BTN3A2: variants seen among roughly 807,000 people sequenced by gnomAD.
BTN3A2 encodes butyrophilin protein.
In BTN3A2, 25 loss-of-function variants were observed where a neutral mutation model predicts 37.6. That is an observed-to-expected ratio of 0.66 (90% confidence interval 0.48 to 0.93). The LOEUF (loss-of-function observed/expected upper bound fraction) is 0.93, where lower values mean the gene tolerates loss of function less well. Ranked by LOEUF, BTN3A2 falls within the 40% of genes least tolerant of loss-of-function variation. The pLI, the probability that BTN3A2 is intolerant of heterozygous loss-of-function variation, is 0.00. For missense variants in BTN3A2, 266 were observed against 410.9 expected, an observed-to-expected ratio of 0.65 and a Z score of 3.05; for synonymous variants, 122 against 159.4, an observed-to-expected ratio of 0.77 and a Z score of 1.77.
intron 1 of BTN3A2, 144 bp downstream of exon 1, chr6:26,365,496 G>A: frequency 6.7e-5 from 50 of 748,496 alleles, no homozygotes; most frequent in Non-Finnish European, 9.0e-5. Flanking sequence ...GTGTGTGTGT[G>A]TGTGTGTGTG....
intron 3 of BTN3A2, 94 bp from the exon 4 acceptor site, chr6:26,368,471 C>T (rs770502589): frequency 4.4e-6 from 7 of 1,588,528 alleles, no homozygotes; most frequent in Non-Finnish European, 6.0e-6. Flanking sequence ...CCTCTAGGTT[C>T]TCTGTATCTC....
chr6:26,375,726 T>C, intron 10 of BTN3A2, 71 bp from the exon 11 acceptor site: 1 of 1,546,188 alleles, frequency 6.5e-7, no homozygotes, highest in South Asian at 1.2e-5. Context: ...CATGGCCTGC[T>C]GTGGGCTGAG....
At chr6:26,375,565 G>A (rs762906601) in intron 10 of BTN3A2, 56 of 1,423,502 alleles carry the variant, frequency 3.9e-5, no homozygotes, top group Non-Finnish European at 5.3e-5. Context: ...AGGGAGCCCA[G>A]TGGCACTGTC....
In BTN3A2 at chr6:26,365,315, T is replaced by G; in HGVS notation, c.-104T>G. On this transcript the variant is annotated 5_prime_UTR_variant, in exon 1 of 11. Transcript: ENST00000377708. The stretch of plus-strand genomic sequence containing the variant: ...GAGAATTATTGATTGACCGTCTTTA[T>G]TCTGTGGGCTCTGATTCTCCAATGG... The G allele has an allele frequency of 2.6e-6, 4 of 1,535,780 alleles. No homozygotes were observed. The highest frequency in any genetic ancestry group is 3.5e-6 in the Non-Finnish European group (4 of 1,146,600).
At chr6:26,372,641 T>C (rs1171750503) in intron 5 of BTN3A2, 1 of 454,364 alleles carries the variant, frequency 2.2e-6, no homozygotes, top group Non-Finnish European at 3.9e-6. Flanking sequence ...TTAGAAAAAA[T>C]GTGTATGACT....
chr6:26,375,661 C>T, intron 10 of BTN3A2, 136 bp from the exon 11 acceptor site: 5 of 1,507,402 alleles, frequency 3.3e-6, no homozygotes, highest in East Asian at 2.5e-5. Context: ...AGGCCCCACA[C>T]AGAGCCCAGC....
In BTN3A2 at chr6:26,377,944, G is replaced by A. The variant is rs990306321; in HGVS notation, c.*2182G>A. 2.0e-5 allele frequency: 3 copies of A among 152,300 alleles called. No homozygotes were observed. The highest frequency in any genetic ancestry group is 4.4e-5 in the Non-Finnish European group (3 of 68,138). 9.4% of individuals were successfully genotyped at this position (152,300 alleles called of 1,614,324 possible). On this transcript the variant is annotated 3_prime_UTR_variant, in exon 11 of 11. Transcript: ENST00000377708. ...TAGAGGCCACACTCAGTTAATAATG[G>A]GGCACAGATGTGTTCCCACCCAACA...
At chr6:26,370,280 A>T in intron 4 of BTN3A2, 42 bp from the exon 5 acceptor site, 1 of 1,601,662 alleles carries the variant, frequency 6.2e-7, no homozygotes, top group Non-Finnish European at 8.5e-7. Flanking sequence ...CCTCCCTAAT[A>T]CAGGAGCTAT....
At position 26,368,634 on chromosome 6, in the gene BTN3A2, G is replaced by A. The variant is rs1759773844; in HGVS notation, c.155G>A (p.Cys52Tyr). Residue 52 changes from cysteine to tyrosine, a missense_variant, in exon 4 of 11, where the codon TGT becomes TAT. By Grantham distance (194) the Cys-to-Tyr change is radical. Around this residue, in one of 3 missense-constraint regions of BTN3A2, gnomAD observed 47 missense variants for 77.3 expected, o/e 0.61. Transcript: ENST00000377708. ...GTGGGTGAAGACGCTGATCTGCCCT[G>A]TCACCTGTTCCCGACCATGAGTGCA... ...AMVGEDADLP[C>Y]HLFPTMSAET... 1 of 1,614,068 alleles carries A rather than the reference G, an allele frequency of 6.2e-7. No homozygotes were observed. The highest frequency in any genetic ancestry group is 1.3e-5 in the African/African-American group (1 of 75,080).
rs979734903 is a variant in BTN3A2 at position 26,374,501 on chromosome 6, C to A, written c.*6+128C>A. On this transcript the variant is annotated intron_variant, in intron 9 of 10. Transcript: ENST00000377708. ...TTTCTGTGTGGTGGGGGTTCACCTC[C>A]GCTTTTCTGGAGCCTCTGAGAAACT... 8 of 1,080,186 alleles carry A rather than the reference C, an allele frequency of 7.4e-6. No individual in the cohort carries two copies. The African/African-American group carries it at 1.3e-4, about 17-fold the overall frequency. The allele number at this position is 1,080,186 out of a possible 1,614,324, so 66.9% of individuals were successfully genotyped here.
At position 26,374,808 on chromosome 6, in the gene BTN3A2, T is replaced by C. The variant is rs547513910; in HGVS notation, c.*34+10T>C. The C allele has an allele frequency of 5.3e-6, 8 of 1,516,504 alleles. 1 individual carries two copies. In the South Asian group the frequency reaches 6.7e-5, roughly 13 times the overall value. 93.9% of individuals were successfully genotyped at this position (1,516,504 alleles called of 1,614,324 possible). A position where few individuals can be genotyped will look rare whatever the true frequency, so the allele number is the denominator to read the frequency against. ...GCCCTCTTCAAGCCTGGTGAGTAAATCACTGCATGTTCCCTGGACCAACAA... is the reference window on the plus strand; with the variant it reads ...GCCCTCTTCAAGCCTGGTGAGTAAACCACTGCATGTTCCCTGGACCAACAA... On this transcript the variant is annotated intron_variant, in intron 10 of 10. Transcript: ENST00000377708.
intron 1 of BTN3A2, among the ~76,000 whole-genome samples, chr6:26,365,781 A>G (rs1454790249): frequency 3.3e-5 from 5 of 152,230 alleles, no homozygotes; most frequent in Non-Finnish European, 7.3e-5. Flanking sequence ...AGAAGAAGAA[A>G]AAAGAGATGT....
chr6:26,369,877 G>A (rs932777864), intron 4 of BTN3A2, among the ~76,000 whole-genome samples: 9 of 152,116 alleles, frequency 5.9e-5, no homozygotes, highest in African/African-American at 2.2e-4. Context: ...GCAATCCCTT[G>A]CCCTGTGGCT....
chr6:26,366,483 C>G (rs145987323), intron 1 of BTN3A2, among the ~76,000 whole-genome samples: 2,575 of 152,014 alleles, frequency 0.017, 36 homozygotes, highest in Middle Eastern at 0.051. Flanking sequence ...ATATTTTTTT[C>G]TTTGGCAAAA....
Position 26,376,736 on chromosome 6 carries a change from A to G in BTN3A2, c.*974A>G. Reference sequence around the variant, plus strand: ...GCTGTGAAAGCTTCATGTCAGAGAGACACTACTGGGAGGTGGAAGTGGGGG... The same window carrying G: ...GCTGTGAAAGCTTCATGTCAGAGAGGCACTACTGGGAGGTGGAAGTGGGGG... On this transcript the variant is annotated 3_prime_UTR_variant, in exon 11 of 11. Transcript: ENST00000377708. The G allele has an allele frequency of 6.3e-7, 1 of 1,592,988 alleles. No homozygotes were observed.
intron 8 of BTN3A2, 68 bp downstream of exon 8, chr6:26,373,481 C>T (rs1461611283): frequency 9.7e-6 from 15 of 1,547,574 alleles, no homozygotes; most frequent in Non-Finnish European, 1.2e-5. Flanking sequence ...TATTTTCCAG[C>T]CCATAAGTCA....
Position 26,366,642 on chromosome 6 carries a change from T to A in BTN3A2, c.-67+1290T>A, listed in dbSNP as rs1475580926. Reference sequence around the variant, plus strand: ...CAGTTTCGAGGAGCAGAAGATGTGGTGAAATATAATGTTTAGTCTGATGGT... The same window carrying A: ...CAGTTTCGAGGAGCAGAAGATGTGGAGAAATATAATGTTTAGTCTGATGGT... On this transcript the variant is annotated intron_variant, in intron 1 of 10. Coordinates refer to ENST00000377708, the MANE Select transcript of BTN3A2 (RefSeq NM_007047.5). 3.3e-5 allele frequency among the ~76,000 whole-genome samples: 5 copies of A among 152,268 alleles called. No individual in the cohort carries two copies. In the South Asian group the frequency reaches 1.0e-3, roughly 32 times the overall value.
At position 26,370,525 on chromosome 6, in the gene BTN3A2, G is replaced by A. The variant is rs771602294; in HGVS notation, c.637G>A (p.Gly213Ser). 19 of 1,614,098 alleles carry A rather than the reference G, an allele frequency of 1.2e-5. No homozygotes were observed. Among genetic ancestry groups the A allele is most frequent in the Non-Finnish European group, 1.4e-5 (16 of 1,180,046 alleles). ...EVAASVIMRG[G>S]SGEGVSCIIR... is the part of the protein sequence containing the mutation. ...AGCAGCATCTGTGATCATGAGAGGCGGCTCCGGGGAGGGTGTATCCTGCAT... is the reference window on the plus strand; with the variant it reads ...AGCAGCATCTGTGATCATGAGAGGCAGCTCCGGGGAGGGTGTATCCTGCAT... Residue 213 changes from glycine (G) to serine (S), a missense_variant, in exon 5 of 11, where the codon GGC becomes AGC. Gly to Ser is a moderately conservative substitution (Grantham distance 56). Transcript: ENST00000377708.
At position 26,375,582 on chromosome 6, in the gene BTN3A2, G is replaced by A. The variant is rs188300236; in HGVS notation, c.*35-215G>A. On this transcript the variant is annotated intron_variant, in intron 10 of 10. Transcript: ENST00000377708. Reference sequence around the variant, plus strand: ...GGAGCCCAGTGGCACTGTCCATAGAGGACAGATTCCTGGGGTCCAGAAGAG... The same window carrying A: ...GGAGCCCAGTGGCACTGTCCATAGAAGACAGATTCCTGGGGTCCAGAAGAG... 54 of 1,487,512 alleles carry A rather than the reference G, an allele frequency of 3.6e-5. No homozygotes were observed. In the African/African-American group the frequency reaches 6.9e-4, roughly 19 times the overall value. The allele number at this position is 1,487,512 out of a possible 1,614,324, so 92.1% of individuals were successfully genotyped here. A position where few individuals can be genotyped will look rare whatever the true frequency, so the allele number is the denominator to read the frequency against.
Sources: gnomAD v4.1 joint callset for allele counts (sites outside exome capture counted in the v4.1 genomes callset) on GRCh38, gnomAD v4.1.1 for gene constraint, gnomAD v4.1.1 regional missense constraint, MANE v1.5 for transcripts, NCBI Gene and HGNC (gene_info 2026-07-23, HGNC 2026-07-21) for gene names.